The following DIAPH2 variants were observed in gnomAD, a reference collection of about 807,000 sequenced individuals.
DIAPH2 encodes the protein diaphanous related formin 2.
A neutral mutation model predicts 92.7 loss-of-function variants in DIAPH2; 35 were observed. That is an observed-to-expected ratio of 0.38 (90% CI 0.29 to 0.50). DIAPH2 has a LOEUF of 0.50. Among genes scored for constraint, DIAPH2 ranks in the 20% least tolerant of loss-of-function variants. The pLI is 0.94. For missense variants in DIAPH2, 701 were observed against 819.5 expected, an observed-to-expected ratio of 0.86 and a Z score of 1.77; for synonymous variants, 301 against 280.4, an observed-to-expected ratio of 1.07 and a Z score of -0.73.
intron 26 of DIAPH2, among the ~76,000 whole-genome samples, chrX:97,518,195 A>G (rs968006159): frequency 8.9e-6 from 1 of 112,148 alleles, no homozygotes; most frequent in African/African-American, 3.2e-5. Context: ...TTAAGTGCCT[A>G]GTAGGCCATT....
chrX:96,898,620 G>A (rs891342160), intron 5 of DIAPH2, among the ~76,000 whole-genome samples: 1 of 107,820 alleles, frequency 9.3e-6, no homozygotes, highest in Non-Finnish European at 1.9e-5. Flanking sequence ...GTAGATTCTG[G>A]ATATTAGCCC....
At chrX:97,536,933 T>A (rs1443028792) in intron 26 of DIAPH2, among the ~76,000 whole-genome samples, 1 of 112,033 alleles carries the variant, frequency 8.9e-6, no homozygotes, top group Non-Finnish European at 1.9e-5. Flanking sequence ...TAAACCATAA[T>A]CTCTGTTTTC....
intron 22 of DIAPH2, among the ~76,000 whole-genome samples, chrX:97,187,020 T>C (rs1180629702): frequency 8.9e-6 from 1 of 111,946 alleles, no homozygotes; most frequent in Non-Finnish European, 1.9e-5. Context: ...AAATGCCTTT[T>C]CTCAAGTTGA....
intron 5 of DIAPH2, among the ~76,000 whole-genome samples, chrX:96,899,891 A>G (rs2065380490): frequency 9.0e-6 from 1 of 111,228 alleles, no homozygotes; most frequent in African/African-American, 3.3e-5. Flanking sequence ...TATTGTTTTG[A>G]GATAAGTCCC....
At chrX:96,752,223 A>G (rs1488239545) in intron 3 of DIAPH2, among the ~76,000 whole-genome samples, 4 of 111,812 alleles carry the variant, frequency 3.6e-5, no homozygotes, top group Non-Finnish European at 7.5e-5. Context: ...TCTTATTTCT[A>G]TAGAATAAAA....
intron 4 of DIAPH2, among the ~76,000 whole-genome samples, chrX:96,875,727 A>G (rs2065173961): frequency 9.0e-6 from 1 of 110,954 alleles, no homozygotes; most frequent in Non-Finnish European, 1.9e-5. Flanking sequence ...AATATGTAGT[A>G]TCTTTTACCC....
chrX:97,008,227 T>C (rs1277722177), intron 17 of DIAPH2, among the ~76,000 whole-genome samples: 2 of 109,260 alleles, frequency 1.8e-5, no homozygotes, highest in African/African-American at 6.7e-5. Flanking sequence ...CAGTATGACA[T>C]TGCATTTTCT....
intron 4 of DIAPH2, among the ~76,000 whole-genome samples, chrX:96,799,959 A>G (rs1188130533): frequency 9.0e-6 from 1 of 111,202 alleles, no homozygotes; most frequent in Non-Finnish European, 1.9e-5. Context: ...GTTTCTACAA[A>G]ATAATTCTTA....
At chrX:97,578,425 GT>G (rs1344157962) in intron 26 of DIAPH2, among the ~76,000 whole-genome samples, 1 of 106,066 alleles carries the variant, frequency 9.4e-6, no homozygotes, top group Admixed American at 1.0e-4. Context: ...GCGGTGTTTG[GT>G]TTTTTGCTCT....
chrX:97,328,271 C>T (rs1401631002), intron 23 of DIAPH2, among the ~76,000 whole-genome samples: 1 of 110,584 alleles, frequency 9.0e-6, no homozygotes, highest in Admixed American at 9.8e-5. Context: ...CCCATCTCTC[C>T]TAAAAAATCA....
chrX:97,340,568 C>T (rs1027571109), intron 23 of DIAPH2, among the ~76,000 whole-genome samples: 2 of 111,075 alleles, frequency 1.8e-5, no homozygotes, highest in Non-Finnish European at 3.8e-5. Context: ...TGTATCTCTA[C>T]GACATGAAAA....
intron 4 of DIAPH2, among the ~76,000 whole-genome samples, chrX:96,867,209 TTTTTGTTTTG>T (rs1312303901): frequency 9.0e-6 from 1 of 110,802 alleles, no homozygotes; most frequent in Non-Finnish European, 1.9e-5. Context: ...TCAGGTTGGG[TTTTTGTTTTG>T]TTTTGTTTTG....
intron 26 of DIAPH2, among the ~76,000 whole-genome samples, chrX:97,577,668 T>A (rs1183407150): frequency 9.0e-6 from 1 of 111,717 alleles, no homozygotes; most frequent in African/African-American, 3.3e-5. Context: ...TGTGGAACAG[T>A]TGTGAAGCCA....
At chrX:97,503,479 C>A (rs1194691144) in intron 26 of DIAPH2, among the ~76,000 whole-genome samples, 4 of 111,825 alleles carry the variant, frequency 3.6e-5, no homozygotes, top group Non-Finnish European at 7.5e-5. Context: ...GAGAACCAGG[C>A]CCAGAGAGGG....
chrX:97,247,917 C>A, intron 23 of DIAPH2, 78 bp downstream of exon 23: 1 of 867,613 alleles, frequency 1.2e-6, no homozygotes, highest in South Asian at 3.4e-5. Context: ...GTGGTTAGTT[C>A]TAGATTTACT....
chrX:97,286,427 G>A (rs1353176254), intron 23 of DIAPH2, among the ~76,000 whole-genome samples: 2 of 111,130 alleles, frequency 1.8e-5, no homozygotes, highest in African/African-American at 3.3e-5. Context: ...TAAGTTAAAA[G>A]TAAACTGTTT....
intron 23 of DIAPH2, among the ~76,000 whole-genome samples, chrX:97,251,549 G>A (rs1215137018): frequency 3.6e-5 from 4 of 109,613 alleles, no homozygotes; most frequent in African/African-American, 1.3e-4. Context: ...TCCGCCTCCC[G>A]AGTAGCTGGG....
At chrX:97,269,348 G>A (rs1335629732) in intron 23 of DIAPH2, among the ~76,000 whole-genome samples, 1 of 112,165 alleles carries the variant, frequency 8.9e-6, no homozygotes, top group Non-Finnish European at 1.9e-5. Flanking sequence ...CTCTGGCCAG[G>A]AAAATGGGAA....
At chrX:97,180,168 A>G (rs2067527504) in intron 22 of DIAPH2, among the ~76,000 whole-genome samples, 1 of 112,355 alleles carries the variant, frequency 8.9e-6, no homozygotes, top group East Asian at 2.8e-4. Context: ...ACTAATTTAC[A>G]TTCCCACCAA....
Sources: gnomAD v4.1 joint callset for allele counts (sites outside exome capture counted in the v4.1 genomes callset) on GRCh38, gnomAD v4.1.1 for gene constraint, MANE v1.5 for transcripts, NCBI Gene and HGNC (gene_info 2026-07-23, HGNC 2026-07-21) for gene names.